ST3GAL3: variants seen among roughly 807,000 people sequenced by gnomAD.
The protein encoded by ST3GAL3 is CMP-N-acetylneuraminate-beta-1,4-galactoside alpha-2,3-sialyltransferase.
Under a neutral mutation model 50.1 loss-of-function variants are expected in ST3GAL3, and 21 were observed. The ratio of observed to expected loss-of-function variants is 0.42; its 90% CI spans 0.30 to 0.60. The LOEUF is 0.60. Ranked by LOEUF, ST3GAL3 falls within the 20% of genes least tolerant of loss-of-function variation. The pLI, the probability that ST3GAL3 is intolerant of heterozygous loss-of-function variation, is 0.19. For missense variants in ST3GAL3, 353 were observed against 489.4 expected (o/e 0.72, Z 2.63); for synonymous variants, 183 against 190.0 (o/e 0.96, Z 0.30).
intron 4 of ST3GAL3, among the ~76,000 whole-genome samples, chr1:43,833,445 G>A (rs1361777710): frequency 6.6e-6 from 1 of 152,164 alleles, no homozygotes; most frequent in East Asian, 1.9e-4. Flanking sequence ...TCCCAGGCCA[G>A]TTAGTTAGCA....
chr1:43,762,316 A>G (rs890682494), intron 2 of ST3GAL3, among the ~76,000 whole-genome samples: 1 of 151,784 alleles, frequency 6.6e-6, no homozygotes, highest in African/African-American at 2.4e-5. Context: ...ACCTTTACAC[A>G]GGTATGTAAC....
intron 6 of ST3GAL3, among the ~76,000 whole-genome samples, chr1:43,897,536 G>T (rs556146151): frequency 6.6e-6 from 1 of 152,296 alleles, no homozygotes; most frequent in South Asian, 2.1e-4. Flanking sequence ...AGTCCTTATT[G>T]CCAAAGCCAG....
intron 2 of ST3GAL3, among the ~76,000 whole-genome samples, chr1:43,776,219 C>T (rs1327503950): frequency 6.6e-6 from 1 of 152,206 alleles, no homozygotes; most frequent in Non-Finnish European, 1.5e-5. Flanking sequence ...CATTTTCCCT[C>T]AGTCACCCGT....
At chr1:43,852,274 G>A (rs1010341604) in intron 5 of ST3GAL3, among the ~76,000 whole-genome samples, 1 of 152,188 alleles carries the variant, frequency 6.6e-6, no homozygotes, top group Admixed American at 6.5e-5. Flanking sequence ...ATGGCAGTAG[G>A]TCCAAAGGAA....
chr1:43,774,949 G>A (rs768071483), intron 2 of ST3GAL3, among the ~76,000 whole-genome samples: 2 of 152,124 alleles, frequency 1.3e-5, no homozygotes, highest in Non-Finnish European at 2.9e-5. Flanking sequence ...AAAGCAGGGA[G>A]CGTGAGAATA....
chr1:43,845,202 C>CA (rs2066040726), intron 5 of ST3GAL3, among the ~76,000 whole-genome samples: 1 of 152,084 alleles, frequency 6.6e-6, no homozygotes, highest in Non-Finnish European at 1.5e-5. Context: ...AGGCTGGTCT[C>CA]GAACTCCTGG....
intron 5 of ST3GAL3, among the ~76,000 whole-genome samples, chr1:43,860,413 G>A (rs1218267299): frequency 6.6e-6 from 1 of 152,204 alleles, no homozygotes; most frequent in Non-Finnish European, 1.5e-5. Context: ...CAGGAAAGTT[G>A]CTAACTCTCA....
chr1:43,791,611 A>G (rs1297127457), intron 2 of ST3GAL3, among the ~76,000 whole-genome samples: 1 of 152,130 alleles, frequency 6.6e-6, no homozygotes, highest in Non-Finnish European at 1.5e-5. Flanking sequence ...CCTTTCTTTG[A>G]CATCTTCATT....
At chr1:43,765,784 T>TCC (rs1692513124) in intron 2 of ST3GAL3, among the ~76,000 whole-genome samples, 2 of 136,880 alleles carry the variant, frequency 1.5e-5, no homozygotes, top group African/African-American at 6.0e-5. Context: ...TGTGTGTGTG[T>TCC]GCGCGCGCGC....
At chr1:43,868,211 C>T (rs575067612) in intron 5 of ST3GAL3, among the ~76,000 whole-genome samples, 2 of 152,300 alleles carry the variant, frequency 1.3e-5, no homozygotes, top group East Asian at 1.9e-4. Flanking sequence ...TACTGGCATG[C>T]TCCCACAGTT....
At chr1:43,794,201 C>T (rs138419516) in intron 3 of ST3GAL3, among the ~76,000 whole-genome samples, 16 of 151,612 alleles carry the variant, frequency 1.1e-4, no homozygotes, top group East Asian at 1.9e-4. Flanking sequence ...GAACAAAGAA[C>T]GACAGAAGTC....
At chr1:43,921,351 A>T (rs1422333741) in intron 11 of ST3GAL3, 1 of 457,120 alleles carries the variant, frequency 2.2e-6, no homozygotes, top group Non-Finnish European at 3.8e-6. Context: ...AGCTCTTCAT[A>T]CCCCGAATTG....
rs201992279 is a variant in ST3GAL3 at position 43,758,744 on chromosome 1, AG to A, written c.118+22366del. On this transcript the variant is annotated intron_variant, in intron 2 of 11. Coordinates refer to ENST00000347631, the MANE Select transcript of ST3GAL3 (RefSeq NM_006279.5). Reference sequence around the variant, plus strand: ...GCATAACTTAAAAACTAACTAGAAGAGGTCAGGCATGATAGTTCACACCTAT... The same window carrying A: ...GCATAACTTAAAAACTAACTAGAAGAGTCAGGCATGATAGTTCACACCTAT... Among the ~76,000 whole-genome samples the A allele has an allele frequency of 5.6e-4, 85 of 152,238 alleles. 1 individual carries two copies. Among genetic ancestry groups the A allele is most frequent in the Middle Eastern group, 6.8e-3 (2 of 294 alleles).
chr1:43,835,159 G>C lies in ST3GAL3; in HGVS notation c.210-3060G>C, dbSNP rs563892819. Reference sequence around the variant, plus strand: ...AAATGAAAGGCCAGCTGCAGAGTAGGAGAAGAACAAGGGCTGAGTGATTTG... The same window carrying C: ...AAATGAAAGGCCAGCTGCAGAGTAGCAGAAGAACAAGGGCTGAGTGATTTG... On this transcript the variant is annotated intron_variant, in intron 4 of 11. Transcript: ENST00000347631. Among the ~76,000 whole-genome samples the C allele has an allele frequency of 1.4e-4, 21 of 152,302 alleles. No individual in the cohort carries two copies. The South Asian group carries it at 4.4e-3, about 32-fold the overall frequency.
intron 5 of ST3GAL3, among the ~76,000 whole-genome samples, chr1:43,844,976 G>A (rs1469821084): frequency 6.6e-6 from 1 of 152,144 alleles, no homozygotes; most frequent in Admixed American, 6.6e-5. Context: ...TTTGTAGGAA[G>A]GCTTTTGTTG....
chr1:43,899,752 T>C lies in ST3GAL3; in HGVS notation c.744+25T>C. 1 of 1,610,270 alleles carries C rather than the reference T, an allele frequency of 6.2e-7. No individual in the cohort carries two copies. Among genetic ancestry groups the C allele is most frequent in the South Asian group, 1.1e-5 (1 of 90,972 alleles). On this transcript the variant is annotated intron_variant, in intron 9 of 11. Coordinates refer to ENST00000347631, the MANE Select transcript of ST3GAL3 (RefSeq NM_006279.5). This position sits in a 1 kb window ranked among gnomAD's most constrained non-coding sequence, Gnocchi z 5.4. ...GGTAAGCTCTCCTGGCACCAGCTTCTTCCCCTCTTGCCCTGGGCTTCCGCA... is the reference window on the plus strand; with the variant it reads ...GGTAAGCTCTCCTGGCACCAGCTTCCTCCCCTCTTGCCCTGGGCTTCCGCA...
chr1:43,761,765 A>G (rs1690468683), intron 2 of ST3GAL3, among the ~76,000 whole-genome samples: 2 of 151,506 alleles, frequency 1.3e-5, no homozygotes, highest in Admixed American at 1.3e-4. Flanking sequence ...CCTGGCTAAC[A>G]CAGTGAAACC....
intron 2 of ST3GAL3, among the ~76,000 whole-genome samples, chr1:43,761,761 T>C (rs1027339902): frequency 1.2e-4 from 18 of 149,454 alleles, no homozygotes; most frequent in African/African-American, 4.0e-4. Flanking sequence ...CCATCCTGGC[T>C]AACACAGTGA....
chr1:43,918,745 A>AT (rs1171876966), intron 9 of ST3GAL3, among the ~76,000 whole-genome samples: 2 of 151,978 alleles, frequency 1.3e-5, no homozygotes, highest in Admixed American at 6.6e-5. Flanking sequence ...TCCTACTGAG[A>AT]TTTTTTTCTT....
Sources: gnomAD v4.1 joint callset for allele counts (sites outside exome capture counted in the v4.1 genomes callset) on GRCh38, gnomAD v4.1.1 for gene constraint, Gnocchi (gnomAD v3.1) non-coding constraint, MANE v1.5 for transcripts, NCBI Gene and HGNC (gene_info 2026-07-23, HGNC 2026-07-21) for gene names.